STXBP5L: variants seen among roughly 807,000 people sequenced by gnomAD.
STXBP5L encodes syntaxin binding protein 5L, also known as syntaxin-binding protein 5-like.
Under a neutral mutation model 144.5 loss-of-function variants are expected in STXBP5L, and 65 were observed. The ratio of observed to expected loss-of-function variants is 0.45; its 90% CI spans 0.37 to 0.55. STXBP5L has a LOEUF of 0.55. STXBP5L is among the 20% of genes least tolerant of loss of function. STXBP5L has a pLI of 0.00. For missense variants in STXBP5L, 1,298 were observed against 1,405.5 expected (o/e 0.92, Z 1.22); for synonymous variants, 505 against 469.6 (o/e 1.08, Z -0.97).
intron 10 of STXBP5L, among the ~76,000 whole-genome samples, chr3:121,212,280 G>T (rs1355055187): frequency 6.6e-6 from 1 of 152,080 alleles, no homozygotes; most frequent in Non-Finnish European, 1.5e-5. Context: ...TAGTTATGAA[G>T]TGTTTGCCCA....
intron 3 of STXBP5L, among the ~76,000 whole-genome samples, chr3:120,971,217 T>C (rs1940206215): frequency 6.6e-6 from 1 of 152,124 alleles, no homozygotes; most frequent in South Asian, 2.1e-4. Context: ...CAGTTGCTTT[T>C]ACAATTTTAT....
chr3:120,931,205 TAGA>T (rs1709919231), intron 2 of STXBP5L, among the ~76,000 whole-genome samples: 1 of 152,080 alleles, frequency 6.6e-6, no homozygotes, highest in South Asian at 2.1e-4. Flanking sequence ...AAACACGAAT[TAGA>T]TATTGTCAGA....
chr3:121,012,699 G>T (rs189424481), intron 3 of STXBP5L, among the ~76,000 whole-genome samples: 8 of 151,674 alleles, frequency 5.3e-5, no homozygotes, highest in Non-Finnish European at 1.2e-4. Flanking sequence ...ATTATTCTTA[G>T]ATTTAGGGGA....
intron 20 of STXBP5L, among the ~76,000 whole-genome samples, chr3:121,346,557 C>G (rs1378838419): frequency 6.6e-6 from 1 of 152,138 alleles, no homozygotes; most frequent in African/African-American, 2.4e-5. Flanking sequence ...AACTAGTTTA[C>G]AGTCCCACCA....
At chr3:121,258,399 T>C (rs531958650) in intron 17 of STXBP5L, among the ~76,000 whole-genome samples, 1 of 152,178 alleles carries the variant, frequency 6.6e-6, no homozygotes, top group Non-Finnish European at 1.5e-5. Flanking sequence ...TTCATGCAAT[T>C]AGCAGATGCT....
intron 20 of STXBP5L, among the ~76,000 whole-genome samples, chr3:121,353,400 T>A (rs2045379549): frequency 6.6e-6 from 1 of 152,202 alleles, no homozygotes; most frequent in African/African-American, 2.4e-5. Context: ...TTTTTCCTGG[T>A]TTAGTCTTTG....
chr3:120,967,446 A>G (rs1377540159), intron 3 of STXBP5L, among the ~76,000 whole-genome samples: 3 of 152,168 alleles, frequency 2.0e-5, no homozygotes, highest in African/African-American at 7.2e-5. Flanking sequence ...GTGATTTTCT[A>G]GAGTAGCGCT....
At position 121,424,018 on chromosome 3, in the gene STXBP5L, C is replaced by G. The variant is rs961248411; in HGVS notation, c.*4921C>G. On this transcript the variant is annotated 3_prime_UTR_variant, in exon 27 of 27. Transcript: ENST00000471454. ...TGACATCACAAGATACCAGAAGTAG[C>G]ACAGTAAATTCAAGAGCATATAAAG... The G allele has an allele frequency of 6.6e-6, 1 of 152,078 alleles. No homozygotes were observed. The highest frequency in any genetic ancestry group is 1.5e-5 in the Non-Finnish European group (1 of 68,010). The allele number at this position is 152,078 out of a possible 1,614,324, so 9.4% of individuals were successfully genotyped here. A position where few individuals can be genotyped will look rare whatever the true frequency, so the allele number is the denominator to read the frequency against.
intron 18 of STXBP5L, 44 bp from the exon 19 acceptor site, chr3:121,279,761 T>C (rs978776805): frequency 1.3e-6 from 2 of 1,597,488 alleles, no homozygotes; most frequent in African/African-American, 1.3e-5. Flanking sequence ...AAAATAATCA[T>C]GCTTGTTGTG....
intron 20 of STXBP5L, among the ~76,000 whole-genome samples, chr3:121,367,654 A>AATGTAGTG (rs1404938965): frequency 2.8e-4 from 39 of 137,588 alleles, no homozygotes; most frequent in African/African-American, 1.0e-3. Context: ...CCCAGAATAG[A>AATGTAGTG]ATGTAGTGGC....
chr3:121,067,989 A>T (rs966289505), intron 5 of STXBP5L, among the ~76,000 whole-genome samples: 5 of 152,204 alleles, frequency 3.3e-5, no homozygotes, highest in Admixed American at 2.0e-4. Context: ...ATACAATTTT[A>T]AAAAATTAGT....
At chr3:121,176,062 G>T (rs1198993266) in intron 9 of STXBP5L, among the ~76,000 whole-genome samples, 1 of 151,966 alleles carries the variant, frequency 6.6e-6, no homozygotes, top group Non-Finnish European at 1.5e-5. Flanking sequence ...CAAAATACAT[G>T]AGACAAAAAT....
At chr3:121,057,886 A>G (rs1019307067) in intron 5 of STXBP5L, among the ~76,000 whole-genome samples, 3 of 152,002 alleles carry the variant, frequency 2.0e-5, no homozygotes, top group Non-Finnish European at 4.4e-5. Flanking sequence ...TTCCAAATAC[A>G]TACTATAGCC....
chr3:121,340,818 A>G (rs924297655), intron 20 of STXBP5L, among the ~76,000 whole-genome samples: 18 of 152,134 alleles, frequency 1.2e-4, no homozygotes, highest in African/African-American at 4.3e-4. Context: ...ATAGTATAAT[A>G]ACATATAAAT....
intron 18 of STXBP5L, among the ~76,000 whole-genome samples, chr3:121,271,823 T>C (rs1362283749): frequency 3.9e-5 from 6 of 152,212 alleles, no homozygotes; most frequent in Non-Finnish European, 7.3e-5. Flanking sequence ...TTTAATTTAC[T>C]CACAGTTCTG....
chr3:120,978,866 G>C (rs562718496), intron 3 of STXBP5L, among the ~76,000 whole-genome samples: 16 of 152,298 alleles, frequency 1.1e-4, no homozygotes, highest in African/African-American at 3.1e-4. Context: ...GCAGATTTTC[G>C]TGAACCGCGA....
intron 20 of STXBP5L, among the ~76,000 whole-genome samples, chr3:121,349,339 C>G (rs1442431409): frequency 3.3e-5 from 5 of 151,970 alleles, no homozygotes; most frequent in Admixed American, 3.3e-4. Flanking sequence ...GTTACAATTT[C>G]TGTTCTTTTA....
intron 5 of STXBP5L, among the ~76,000 whole-genome samples, chr3:121,092,898 G>T (rs1225024727): frequency 1.3e-5 from 2 of 152,164 alleles, no homozygotes; most frequent in African/African-American, 4.8e-5. Context: ...GTATGATATT[G>T]GCTGTGGGTT....
At chr3:121,329,471 G>A (rs1345250503) in intron 20 of STXBP5L, among the ~76,000 whole-genome samples, 3 of 152,188 alleles carry the variant, frequency 2.0e-5, no homozygotes, top group Non-Finnish European at 2.9e-5. Context: ...GCTTGAATAG[G>A]AGGAAATTCT....
Sources: gnomAD v4.1 joint callset for allele counts (sites outside exome capture counted in the v4.1 genomes callset) on GRCh38, gnomAD v4.1.1 for gene constraint, MANE v1.5 for transcripts, NCBI Gene and HGNC (gene_info 2026-07-23, HGNC 2026-07-21) for gene names.